The following SPG11 variants were observed in gnomAD, a reference collection of about 807,000 sequenced individuals.
SPG11 encodes the protein SPG11 vesicle trafficking associated, spatacsin.
SPG11 carries 222 observed loss-of-function variants against 274.0 expected under a neutral mutation model. The observed-to-expected ratio is 0.81, with a 90% confidence interval of 0.73 to 0.91. SPG11 has a LOEUF of 0.91. Among genes scored for constraint, SPG11 ranks in the 40% least tolerant of loss-of-function variants. The pLI, the probability that SPG11 is intolerant of heterozygous loss-of-function variation, is 0.00. For missense variants in SPG11, 3,114 were observed against 2,872.7 expected (o/e 1.08, Z -1.92); for synonymous variants, 1,144 against 1,039.7 (o/e 1.10, Z -1.93).
chr15:44,648,289 T>A (rs1436314012), intron 7 of SPG11, among the ~76,000 whole-genome samples: 1 of 152,002 alleles, frequency 6.6e-6, no homozygotes, highest in African/African-American at 2.4e-5. Flanking sequence ...AGCGGGTGAA[T>A]CACTTGAAAT....
In SPG11 at chr15:44,562,885, T is replaced by TAATACTAGTATCTATATAAAA. The variant is rs2082221036; in HGVS notation, c.*215_*235dup. ...CTGAGGAAGAGGAAGCTTTTGATCT[T>TAATACTAGTATCTATATAAAA]AATACTAGTATCTATATAAAATGGT... On this transcript the variant is annotated 3_prime_UTR_variant, in exon 40 of 40. Transcript: ENST00000261866. 4 of 504,378 alleles carry TAATACTAGTATCTATATAAAA rather than the reference T, an allele frequency of 7.9e-6. No homozygotes were observed. Among genetic ancestry groups the TAATACTAGTATCTATATAAAA allele is most frequent in the South Asian group, 7.0e-5 (3 of 43,164 alleles). The allele number at this position is 504,378 out of a possible 1,614,324, so 31.2% of individuals were successfully genotyped here. A position where few individuals can be genotyped will look rare whatever the true frequency, so the allele number is the denominator to read the frequency against.
chr15:44,596,959 G>C lies in SPG11; in HGVS notation c.4002-16C>G, dbSNP rs2083059720. 1.2e-6 allele frequency: 2 copies of C among 1,613,614 alleles called. No individual in the cohort carries two copies. Among genetic ancestry groups the C allele is most frequent in the Admixed American group, 3.3e-5 (2 of 60,006 alleles). ...ACTGGATAACCTATAATCAGAATTA[G>C]AGGTGGGGGTGGTCAAGAAAAAACA... is the stretch of plus-strand genomic sequence containing the variant. On this transcript the variant is annotated splice_polypyrimidine_tract_variant and intron_variant, in intron 23 of 39. Coordinates refer to ENST00000261866, the MANE Select transcript of SPG11 (RefSeq NM_025137.4).
intron 31 of SPG11, among the ~76,000 whole-genome samples, chr15:44,574,161 AC>A (rs2082485688): frequency 1.3e-5 from 2 of 152,096 alleles, no homozygotes; most frequent in African/African-American, 4.8e-5. Context: ...GTGCCACCAC[AC>A]CCAGCTAATT....
At chr15:44,584,687 G>T in intron 29 of SPG11, 129 bp from the exon 30 acceptor site, 2 of 1,134,456 alleles carry the variant, frequency 1.8e-6, no homozygotes, top group Non-Finnish European at 2.6e-6. Context: ...GGAGAGCAGT[G>T]GTGGCGATCA....
Position 44,598,485 on chromosome 15 carries a change from A to G in SPG11, c.3893-112T>C. ...TTTCAGAACCCAATTAAAGTGCCCA[A>G]GAAAGTGAGACAAAGAACACACACT... On this transcript the variant is annotated intron_variant, in intron 22 of 39. Coordinates refer to ENST00000261866, the MANE Select transcript of SPG11 (RefSeq NM_025137.4). The G allele has an allele frequency of 2.4e-6, 3 of 1,261,414 alleles. No individual in the cohort carries two copies. In the South Asian group the frequency reaches 3.7e-5, roughly 15 times the overall value. 78.1% of individuals were successfully genotyped at this position (1,261,414 alleles called of 1,614,324 possible).
chr15:44,650,572 G>C (rs1186780484), intron 6 of SPG11, among the ~76,000 whole-genome samples: 7 of 150,098 alleles, frequency 4.7e-5, no homozygotes, highest in Non-Finnish European at 1.0e-4. Context: ...GTTGTGGTGA[G>C]CCAAGATCGC....
chr15:44,619,666 C>G (rs960967093), intron 15 of SPG11, among the ~76,000 whole-genome samples: 1 of 152,034 alleles, frequency 6.6e-6, no homozygotes, highest in Non-Finnish European at 1.5e-5. Context: ...TGGGAGGAAC[C>G]TGCATCTAGA....
intron 7 of SPG11, among the ~76,000 whole-genome samples, chr15:44,643,134 C>G (rs1222378223): frequency 6.6e-6 from 1 of 152,150 alleles, no homozygotes; most frequent in African/African-American, 2.4e-5. Flanking sequence ...CACACAGAGA[C>G]ATGTGCACTG....
intron 8 of SPG11, 27 bp downstream of exon 8, chr15:44,633,478 A>G (rs1205602317): frequency 5.8e-6 from 9 of 1,549,076 alleles, no homozygotes; most frequent in Non-Finnish European, 8.0e-6. Context: ...TGATAAATAC[A>G]AATGTAGAAA....
At chr15:44,640,373 GCCCC>G (rs920606433) in intron 7 of SPG11, among the ~76,000 whole-genome samples, 1 of 151,666 alleles carries the variant, frequency 6.6e-6, no homozygotes, top group African/African-American at 2.4e-5. Flanking sequence ...GACCTGCCCC[GCCCC>G]CCAAAAGACA....
intron 27 of SPG11, among the ~76,000 whole-genome samples, chr15:44,591,636 T>C: frequency 6.6e-6 from 1 of 152,238 alleles, no homozygotes; most frequent in South Asian, 2.1e-4. Context: ...AAATAACTGA[T>C]TTGGTATTTT....
At chr15:44,612,044 C>T (rs1328161435) in intron 17 of SPG11, among the ~76,000 whole-genome samples, 1 of 152,058 alleles carries the variant, frequency 6.6e-6, no homozygotes, top group African/African-American at 2.4e-5. Flanking sequence ...CTCCTGACCT[C>T]GTGATCTGCC....
intron 28 of SPG11, 74 bp downstream of exon 28, chr15:44,589,178 T>C (rs1005887323): frequency 2.1e-5 from 31 of 1,492,402 alleles, no homozygotes; most frequent in Admixed American, 1.0e-4. Flanking sequence ...ATTTCCTAAC[T>C]ACCCCTCTAA....
intron 36 of SPG11, among the ~76,000 whole-genome samples, chr15:44,566,726 TCA>T (rs951792365): frequency 1.3e-5 from 2 of 151,972 alleles, no homozygotes; most frequent in African/African-American, 4.8e-5. Context: ...TGAGATGGAG[TCA>T]CACTCTGTCA....
rs1337246670 is a variant in SPG11 at position 44,657,193 on chromosome 15, A to T, written c.771T>A (p.Ser257=). 2 of 1,614,196 alleles carry T rather than the reference A, an allele frequency of 1.2e-6. No individual in the cohort carries two copies. Residue 257 remains serine (S), a synonymous_variant, in exon 4 of 40, where the codon TCT becomes TCA. Coordinates refer to ENST00000261866, the MANE Select transcript of SPG11 (RefSeq NM_025137.4). ...NEQQQEPAKI[S]SFTSLKVSQD... is the part of the protein sequence containing the mutation. ...GAGAAACTTTCAGTGAAGTAAATGA[A>T]GAAATCTTGGCTGGCTCCTGTTGCT...
At position 44,602,645 on chromosome 15, in the gene SPG11, A is replaced by AT. The variant is rs537578682; in HGVS notation, c.3521-2014dup. On this transcript the variant is annotated intron_variant, in intron 20 of 39. Coordinates refer to ENST00000261866, the MANE Select transcript of SPG11 (RefSeq NM_025137.4). ...AGGCGCCTGCCACAATACCTGGCTA[A>AT]TTTTTTTTTGTATTTTTTAGTAGAG... 2.9e-3 allele frequency among the ~76,000 whole-genome samples: 430 copies of AT among 150,872 alleles called. 3 individuals carry two copies. Among genetic ancestry groups the AT allele is most frequent in the Non-Finnish European group, 4.5e-3 (305 of 67,646 alleles).
At chr15:44,661,173 TG>T (rs1221091119) in intron 1 of SPG11, among the ~76,000 whole-genome samples, 4 of 152,140 alleles carry the variant, frequency 2.6e-5, no homozygotes, top group Non-Finnish European at 2.9e-5. Context: ...ACACTTGAAA[TG>T]TGGGGCAACT....
chr15:44,619,334 G>A (rs1370559188), intron 15 of SPG11, among the ~76,000 whole-genome samples: 4 of 152,216 alleles, frequency 2.6e-5, no homozygotes, highest in African/African-American at 9.7e-5. Flanking sequence ...AGGTTAGAAA[G>A]ATAGATTAAA....
chr15:44,608,381 G>A, intron 19 of SPG11, 63 bp downstream of exon 19: 1 of 1,540,974 alleles, frequency 6.5e-7, no homozygotes, highest in Non-Finnish European at 9.0e-7. Context: ...AAGATCTAGA[G>A]TGATTTCTGT....
Sources: gnomAD v4.1 joint callset for allele counts (sites outside exome capture counted in the v4.1 genomes callset) on GRCh38, gnomAD v4.1.1 for gene constraint, MANE v1.5 for transcripts, NCBI Gene and HGNC (gene_info 2026-07-23, HGNC 2026-07-21) for gene names.